The following PPP2R5C variants were observed in gnomAD, a reference collection of about 807,000 sequenced individuals.
PPP2R5C encodes the protein serine/threonine-protein phosphatase 2A 56 kDa regulatory subunit gamma isoform.
PPP2R5C carries 7 observed loss-of-function variants against 68.9 expected under a neutral mutation model. The ratio of observed to expected loss-of-function variants is 0.10; its 90% CI spans 0.06 to 0.19. The LOEUF is 0.19. Among genes scored for constraint, PPP2R5C ranks in the 10% least tolerant of loss-of-function variants. The pLI, the probability that PPP2R5C is intolerant of heterozygous loss-of-function variation, is 1.00. For synonymous variants in PPP2R5C, 210 were observed against 222.2 expected, an observed-to-expected ratio of 0.95 and a Z score of 0.49; for missense variants, 348 against 641.3, an observed-to-expected ratio of 0.54 and a Z score of 4.94.
intron 11 of PPP2R5C, among the ~76,000 whole-genome samples, chr14:101,911,291 C>T (rs2046376299): frequency 6.6e-6 from 1 of 152,066 alleles, no homozygotes; most frequent in Non-Finnish European, 1.5e-5. Context: ...AAATCCTTGC[C>T]CTTTTGGGGT....
chr14:101,785,435 C>G (rs1430394813), intron 2 of PPP2R5C, among the ~76,000 whole-genome samples: 1 of 152,184 alleles, frequency 6.6e-6, no homozygotes, highest in Non-Finnish European at 1.5e-5. Context: ...GCCTTTCCCA[C>G]CTTCTAGAGG....
intron 1 of PPP2R5C, among the ~76,000 whole-genome samples, chr14:101,812,223 C>T (rs1427959505): frequency 3.3e-5 from 5 of 152,198 alleles, no homozygotes; most frequent in African/African-American, 1.2e-4. Flanking sequence ...AGCGTCATTA[C>T]AGTGATTAAG....
intron 13 of PPP2R5C, among the ~76,000 whole-genome samples, chr14:101,919,993 C>CAAACAAAAAAAAAAAAA (rs367834588): frequency 4.3e-5 from 5 of 117,476 alleles, no homozygotes; most frequent in Non-Finnish European, 8.6e-5. Context: ...AAAAAAAAAA[C>CAAACAAAAAAAAAAAAA]CAATTCTTAC....
chr14:101,795,384 A>G (rs2038559932), intron 3 of PPP2R5C, among the ~76,000 whole-genome samples: 1 of 152,074 alleles, frequency 6.6e-6, no homozygotes, highest in Admixed American at 6.6e-5. Flanking sequence ...GGTATTTCAT[A>G]TTTTTATTTT....
chr14:101,777,399 G>C (rs2037479846), intron 2 of PPP2R5C, among the ~76,000 whole-genome samples: 1 of 151,938 alleles, frequency 6.6e-6, no homozygotes, highest in Non-Finnish European at 1.5e-5. Context: ...GCCCAGGCTG[G>C]AGTATAGTGG....
intron 2 of PPP2R5C, among the ~76,000 whole-genome samples, chr14:101,774,499 T>C (rs1469889853): frequency 6.6e-6 from 1 of 152,214 alleles, no homozygotes; most frequent in African/African-American, 2.4e-5. Context: ...TATTCTCTGC[T>C]ATACCCAGTC....
rs185365628 is a variant in PPP2R5C at position 101,913,164 on chromosome 14, T to C, written c.1326+691T>C. ...AGAGCGTTATGACAGTTTCTTCACG[T>C]TCTGTGTGCCTGATTATAACAGTGC... On this transcript the variant is annotated intron_variant, in intron 12 of 13. Transcript: ENST00000334743. This position sits in a 1 kb window ranked among gnomAD's most constrained non-coding sequence, Gnocchi z 4.1. Among the ~76,000 whole-genome samples the C allele has an allele frequency of 1.4e-3, 220 of 152,362 alleles. No individual in the cohort carries two copies. Among genetic ancestry groups the C allele is most frequent in the African/African-American group, 5.1e-3 (212 of 41,576 alleles).
intron 2 of PPP2R5C, among the ~76,000 whole-genome samples, chr14:101,857,150 G>A (rs1032077823): frequency 2.0e-5 from 3 of 152,220 alleles, no homozygotes; most frequent in Admixed American, 6.5e-5. Flanking sequence ...CTATGGAGTA[G>A]AAGTGTTAGA....
intron 2 of PPP2R5C, among the ~76,000 whole-genome samples, chr14:101,777,885 G>A (rs115876352): frequency 0.022 from 3,297 of 151,680 alleles, 123 homozygotes; most frequent in African/African-American, 0.075. Flanking sequence ...CTGTCCTCTC[G>A]CCTCAGCTTC....
rs763654389 is a variant in PPP2R5C, at chr14:101,888,010, C to A, written c.630-2227C>A. On this transcript the variant is annotated intron_variant, in intron 5 of 13. Transcript: ENST00000334743. The surrounding 1 kb of genome is among the most constrained non-coding windows in gnomAD (Gnocchi z 5.6). The stretch of plus-strand genomic sequence containing the variant: ...AGAAGGAAAAGAACTGTCCTTATTT[C>A]TTCTTTCTTCTGCCTACATCAAAGC... 3.9e-5 allele frequency among the ~76,000 whole-genome samples: 6 copies of A among 152,148 alleles called. No homozygotes were observed. Among genetic ancestry groups the A allele is most frequent in the African/African-American group, 7.2e-5 (3 of 41,438 alleles).
chr14:101,806,158 G>A (rs1426577059), upstream of PPP2R5C, among the ~76,000 whole-genome samples: 1 of 151,622 alleles, frequency 6.6e-6, no homozygotes, highest in Non-Finnish European at 1.5e-5. Flanking sequence ...TTGTTGCATA[G>A]GTATACATGT....
intron 1 of PPP2R5C, among the ~76,000 whole-genome samples, chr14:101,847,155 A>G (rs1256259747): frequency 6.6e-6 from 1 of 152,166 alleles, no homozygotes; most frequent in African/African-American, 2.4e-5. Flanking sequence ...TGGTCCCACT[A>G]TGTGCTGGCC....
chr14:101,900,012 G>A (rs1416399073), intron 8 of PPP2R5C, among the ~76,000 whole-genome samples: 2 of 151,548 alleles, frequency 1.3e-5, no homozygotes, highest in South Asian at 2.1e-4. Flanking sequence ...TTAGCCTCTC[G>A]AGTAGCTAGG....
chr14:101,828,272 G>C (rs2040521485), intron 1 of PPP2R5C, among the ~76,000 whole-genome samples: 1 of 152,160 alleles, frequency 6.6e-6, no homozygotes, highest in South Asian at 2.1e-4. Flanking sequence ...TACTTACAGG[G>C]ATGGGGAGTT....
intron 1 of PPP2R5C, among the ~76,000 whole-genome samples, chr14:101,850,711 C>T (rs975578918): frequency 6.6e-6 from 1 of 152,076 alleles, no homozygotes; most frequent in African/African-American, 2.4e-5. Context: ...GAGAGAGAGC[C>T]CTGCCTGCAC....
At chr14:101,912,453 C>T in exon 12 of PPP2R5C, 1 of 1,602,292 alleles carries the variant, frequency 6.2e-7, no homozygotes, top group African/African-American at 1.3e-5. Flanking sequence ...AATAGAAAAT[C>T]TAGCCAAAGC....
At chr14:101,774,134 T>A (rs1461816354) in intron 2 of PPP2R5C, among the ~76,000 whole-genome samples, 8 of 152,228 alleles carry the variant, frequency 5.3e-5, no homozygotes, top group Non-Finnish European at 1.2e-4. Context: ...ACTTTGCTTC[T>A]CAGATGAAGG....
chr14:101,911,883 C>CAA (rs55657834), intron 11 of PPP2R5C, among the ~76,000 whole-genome samples: 12 of 124,818 alleles, frequency 9.6e-5, no homozygotes, highest in Admixed American at 1.7e-4. Context: ...GGCCCTGTCT[C>CAA]AAAAAAAAAA....
In PPP2R5C at chr14:101,786,134, G is replaced by T. The variant is rs867922884; in HGVS notation, c.210G>T (p.Arg70Ser). The T allele has an allele frequency of 3.1e-6, 5 of 1,589,722 alleles. No individual in the cohort carries two copies. In the African/African-American group the frequency reaches 6.7e-5, roughly 21 times the overall value. Residue 70 changes from arginine (R) to serine (S), a missense_variant, in exon 3 of 15, where the codon AGG becomes AGT. Arg to Ser is a moderately radical substitution (Grantham distance 110). Coordinates refer to the PPP2R5C transcript ENST00000328724. ...AAGACAAACGGCAAAATTCTTCAAG[G>T]TTTAGCGCAAGCAATAATAGAGAAC...
Sources: allele counts gnomAD v4.1 joint callset (sites outside exome capture counted in the v4.1 genomes callset), GRCh38; gene constraint gnomAD v4.1.1; non-coding constraint Gnocchi (gnomAD v3.1); transcripts MANE v1.5; gene names NCBI Gene and HGNC (gene_info 2026-07-23, HGNC 2026-07-21).